PPP2R2B: variants seen among roughly 807,000 people sequenced by gnomAD.
The protein encoded by PPP2R2B is protein phosphatase 2 regulatory subunit Bbeta.
In PPP2R2B, 5 loss-of-function variants were observed where a neutral mutation model predicts 46.0. That is an observed-to-expected ratio of 0.11 (90% CI 0.06 to 0.23). The LOEUF is 0.23. Ranked by LOEUF, PPP2R2B falls within the 10% of genes least tolerant of loss-of-function variation. The pLI is 1.00. For missense variants in PPP2R2B, 367 were observed against 575.0 expected (o/e 0.64, Z 3.70); for synonymous variants, 215 against 206.7 (o/e 1.04, Z -0.34).
At chr5:146,949,604 T>C (rs965097799) in intron 1 of PPP2R2B, among the ~76,000 whole-genome samples, 4 of 152,084 alleles carry the variant, frequency 2.6e-5, no homozygotes, top group Non-Finnish European at 5.9e-5. Flanking sequence ...TAGAACAGTA[T>C]GTAGATTCCT....
At chr5:147,005,437 T>A (rs1373139883) in intron 1 of PPP2R2B, among the ~76,000 whole-genome samples, 3 of 152,238 alleles carry the variant, frequency 2.0e-5, no homozygotes, top group African/African-American at 7.2e-5. Context: ...AGTATGCTTA[T>A]CTAATCCTAC....
chr5:146,898,811 G>A (rs4501383), intron 1 of PPP2R2B, among the ~76,000 whole-genome samples: 29,935 of 97,688 alleles, frequency 0.31, 5,346 homozygotes, highest in East Asian at 0.55. Context: ...AAAAGTGGGC[G>A]AAGGACATGA....
chr5:146,731,013 G>A (rs1019612829), intron 2 of PPP2R2B, among the ~76,000 whole-genome samples: 2 of 152,154 alleles, frequency 1.3e-5, no homozygotes, highest in African/African-American at 4.8e-5. Context: ...CCATGTACGA[G>A]GTGTGAGTTT....
At chr5:147,062,083 T>C (rs1480152) in intron 2 of PPP2R2B, among the ~76,000 whole-genome samples, 105,163 of 151,736 alleles carry the variant, frequency 0.69, 36,786 homozygotes, top group Middle Eastern at 0.77. Flanking sequence ...ATGAAGGTGT[T>C]CCCGTAAGAT....
chr5:147,046,776 G>A (rs1290397911), intron 1 of PPP2R2B, among the ~76,000 whole-genome samples: 3 of 151,918 alleles, frequency 2.0e-5, no homozygotes, highest in African/African-American at 7.3e-5. Flanking sequence ...ATACCATGCA[G>A]ACTTAGGATA....
intron 2 of PPP2R2B, among the ~76,000 whole-genome samples, chr5:146,843,249 A>C (rs1022033606): frequency 6.6e-6 from 1 of 152,232 alleles, no homozygotes; most frequent in African/African-American, 2.4e-5. Context: ...TTGGGTCTTG[A>C]TTACATCTTT....
intron 1 of PPP2R2B, among the ~76,000 whole-genome samples, chr5:146,945,995 C>G (rs1174349776): frequency 1.3e-5 from 2 of 152,090 alleles, no homozygotes; most frequent in Non-Finnish European, 2.9e-5. Context: ...TGACCAGAGG[C>G]TGAGTGAGAT....
chr5:146,928,338 G>C (rs1763854292), intron 1 of PPP2R2B, among the ~76,000 whole-genome samples: 1 of 151,502 alleles, frequency 6.6e-6, no homozygotes, highest in Non-Finnish European at 1.5e-5. Flanking sequence ...ATCTCCACTT[G>C]GAAATCTAAA....
intron 2 of PPP2R2B, among the ~76,000 whole-genome samples, chr5:146,800,674 C>T (rs1464830337): frequency 1.3e-5 from 2 of 151,902 alleles, no homozygotes; most frequent in Non-Finnish European, 2.9e-5. Context: ...GTCATAAGCC[C>T]ATCTATCGAT....
At chr5:147,021,956 T>C (rs989140642) in intron 1 of PPP2R2B, among the ~76,000 whole-genome samples, 5 of 151,924 alleles carry the variant, frequency 3.3e-5, no homozygotes, top group African/African-American at 1.2e-4. Context: ...ATAAAAATAT[T>C]GAGGGGAGAA....
chr5:146,933,819 C>A (rs1170522967), intron 1 of PPP2R2B, among the ~76,000 whole-genome samples: 2 of 148,394 alleles, frequency 1.3e-5, no homozygotes, highest in South Asian at 2.2e-4. Flanking sequence ...TCTCCCAATG[C>A]TATCCCTCCC....
intron 2 of PPP2R2B, among the ~76,000 whole-genome samples, chr5:146,811,643 C>T (rs866162841): frequency 6.7e-6 from 1 of 148,712 alleles, no homozygotes; most frequent in African/African-American, 2.5e-5. Flanking sequence ...TCACTGCAAC[C>T]TCCACCTCCC....
At chr5:146,894,765 T>C (rs1005397514) in intron 1 of PPP2R2B, among the ~76,000 whole-genome samples, 3 of 152,184 alleles carry the variant, frequency 2.0e-5, no homozygotes, top group Non-Finnish European at 4.4e-5. Context: ...GTACACACTT[T>C]TTCTACTTCT....
rs79220680 is a variant in PPP2R2B at position 146,606,385 on chromosome 5, T to C, written c.791-5925A>G. Among the ~76,000 whole-genome samples, 450 of 152,316 alleles carry C rather than the reference T, an allele frequency of 3.0e-3. 22 individuals carry two copies. The East Asian group carries it at 0.079, about 27-fold the overall frequency. On this transcript the variant is annotated intron_variant, in intron 7 of 9. Transcript: ENST00000394411. ...TTAGATGGTGTGGTGACTAACAGTA[T>C]AGGTGGTTCCAAACACAGTGGCCTG...
At chr5:146,646,152 T>A (rs1488596462) in intron 6 of PPP2R2B, among the ~76,000 whole-genome samples, 2 of 152,202 alleles carry the variant, frequency 1.3e-5, no homozygotes, top group East Asian at 3.9e-4. Context: ...AAGCGGCAAA[T>A]TTGTTTTTTC....
chr5:146,790,464 C>T (rs995548511), intron 2 of PPP2R2B, among the ~76,000 whole-genome samples: 2 of 152,084 alleles, frequency 1.3e-5, no homozygotes, highest in Admixed American at 6.6e-5. Flanking sequence ...GGGGTTGGCA[C>T]GGGTGAGGGC....
intron 7 of PPP2R2B, among the ~76,000 whole-genome samples, chr5:146,619,228 TAAAAGGGG>T (rs1773470683): frequency 7.0e-6 from 1 of 143,714 alleles, no homozygotes; most frequent in Non-Finnish European, 1.5e-5. Flanking sequence ...CCACACCCTA[TAAAAGGGG>T]CAGTTTCCAC....
At chr5:146,844,617 T>C (rs996254742) in intron 2 of PPP2R2B, among the ~76,000 whole-genome samples, 4 of 152,198 alleles carry the variant, frequency 2.6e-5, no homozygotes, top group Non-Finnish European at 4.4e-5. Context: ...ATTTAGTTTT[T>C]TGAAAACAAA....
At chr5:146,808,215 A>G (rs977503665) in intron 2 of PPP2R2B, among the ~76,000 whole-genome samples, 2 of 152,322 alleles carry the variant, frequency 1.3e-5, no homozygotes, top group East Asian at 3.9e-4. Context: ...ATCAGTAGCC[A>G]CATACAGTGA....
Sources: allele counts gnomAD v4.1 joint callset (sites outside exome capture counted in the v4.1 genomes callset), GRCh38; gene constraint gnomAD v4.1.1; transcripts MANE v1.5; gene names NCBI Gene and HGNC (gene_info 2026-07-23, HGNC 2026-07-21).